Variants in CHL1 observed in about 807,000 individuals in gnomAD.
CHL1 encodes the protein neural cell adhesion molecule L1-like protein.
In CHL1, 96 loss-of-function variants were observed where a neutral mutation model predicts 141.9. The observed-to-expected ratio is 0.68, with a 90% CI of 0.57 to 0.80. CHL1 has a LOEUF of 0.80. Among genes scored for constraint, CHL1 ranks in the 30% least tolerant of loss-of-function variants. The pLI is 0.00. For missense variants in CHL1, 1,820 were observed against 1,457.2 expected (o/e 1.25, Z -4.05); for synonymous variants, 613 against 502.2 (o/e 1.22, Z -2.95).
chr3:264,361 G>A (rs1342612436), intron 2 of CHL1, among the ~76,000 whole-genome samples: 1 of 152,118 alleles, frequency 6.6e-6, no homozygotes, highest in Non-Finnish European at 1.5e-5. Context: ...TAATAACTCA[G>A]TAGGAATAGG....
rs149418187 is a variant in CHL1 at position 354,642 on chromosome 3, C to A, written c.1036C>A (p.Pro346Thr). The A allele has an allele frequency of 1.2e-6, 2 of 1,610,626 alleles. No homozygotes were observed. The highest frequency in any genetic ancestry group is 1.7e-6 in the Non-Finnish European group (2 of 1,178,614). ...TGAGCTCTTCACTTTACATCCAGAGCCTCCTCGCTGGACAAAGAAGCCTCA... is the reference window on the plus strand; with the variant it reads ...TGAGCTCTTCACTTTACATCCAGAGACTCCTCGCTGGACAAAGAAGCCTCA... ...THDFHVIVEE[P>T]PRWTKKPQSA... is the part of the protein sequence containing the mutation. Residue 346 changes from proline (P) to threonine (T), a missense_variant and splice_region_variant, in exon 11 of 28, where the codon CCT (proline) becomes ACT (threonine). Coordinates refer to ENST00000256509, the MANE Select transcript of CHL1 (RefSeq NM_006614.4).
intron 20 of CHL1, among the ~76,000 whole-genome samples, chr3:390,071 AT>A (rs1559349016): frequency 6.6e-6 from 1 of 152,344 alleles, no homozygotes; most frequent in South Asian, 2.1e-4. Flanking sequence ...TAAAGGAATA[AT>A]TTGATCCAAA....
In CHL1 at chr3:408,772, G is replaced by A. The variant is rs1355937057; in HGVS notation, c.*3061G>A. The A allele has an allele frequency of 6.6e-6, 1 of 152,042 alleles. No homozygotes were observed. The highest frequency in any genetic ancestry group is 1.5e-5 in the Non-Finnish European group (1 of 67,998). The allele number at this position is 152,042 out of a possible 1,614,324, so 9.4% of individuals were successfully genotyped here. A position where few individuals can be genotyped will look rare whatever the true frequency, so the allele number is the denominator to read the frequency against. The stretch of plus-strand genomic sequence containing the variant: ...TAAGCAGGGTCTTTGCTATACAAAA[G>A]TGTTTTCCACTAATTTTGCATGCGT... On this transcript the variant is annotated 3_prime_UTR_variant, in exon 28 of 28. Transcript: ENST00000256509.
chr3:272,768 C>T (rs1462116287), intron 2 of CHL1, among the ~76,000 whole-genome samples: 2 of 152,134 alleles, frequency 1.3e-5, no homozygotes, highest in Non-Finnish European at 2.9e-5. Context: ...GCACTTGCTC[C>T]CAAATGGATT....
intron 2 of CHL1, among the ~76,000 whole-genome samples, chr3:250,886 T>G (rs1211050305): frequency 1.3e-5 from 2 of 152,164 alleles, no homozygotes; most frequent in Non-Finnish European, 2.9e-5. Flanking sequence ...TTTGTAGGAA[T>G]TAAGCATTTT....
rs767908736 is a variant in CHL1, at chr3:328,224, A to G, written c.255A>G (p.Pro85=). 1 of 1,612,222 alleles carries G rather than the reference A, an allele frequency of 6.2e-7. No individual in the cohort carries two copies. The highest frequency in any genetic ancestry group is 8.5e-7 in the Non-Finnish European group (1 of 1,178,814). ...PFYFTDHRII[P]SNNSGTFRIP... is the part of the protein sequence containing the mutation. ...ATTTCACTGACCATCGGATAATTCCATCGAACAATTCAGGAACATTCAGGA... is the reference window on the plus strand; with the variant it reads ...ATTTCACTGACCATCGGATAATTCCGTCGAACAATTCAGGAACATTCAGGA... The change falls in exon 5 of 28, where the codon CCA becomes CCG. Residue 85 remains proline, a synonymous_variant. Coordinates refer to ENST00000256509, the MANE Select transcript of CHL1 (RefSeq NM_006614.4).
At chr3:284,673 T>C (rs946172710) in intron 2 of CHL1, among the ~76,000 whole-genome samples, 2 of 152,204 alleles carry the variant, frequency 1.3e-5, no homozygotes, top group Non-Finnish European at 2.9e-5. Context: ...CATGACATTA[T>C]ATGTTGCTGG....
At chr3:286,287 A>G (rs2125318093) in intron 2 of CHL1, among the ~76,000 whole-genome samples, 1 of 152,262 alleles carries the variant, frequency 6.6e-6, no homozygotes, top group Middle Eastern at 3.4e-3. Context: ...ATTTGGGGCA[A>G]GTCCATAGAG....
chr3:363,311 GC>G lies in CHL1; in HGVS notation c.1514del (p.Ala505ValfsTer8), dbSNP rs1328571159. ...LQINRTTEEDAGSYSCWVENA... is the reference protein window; with the variant it reads ...LQINRTTEEDXGSYSCWVENA... The stretch of plus-strand genomic sequence containing the variant: ...GATCAACAGAACCACCGAAGAAGAT[GC>G]TGGGTCTTACTCATGTTGGGTAGAA... On this transcript the variant is annotated frameshift_variant, in exon 14 of 28. Transcript: ENST00000256509. LOFTEE classifies it high-confidence loss of function. 1 of 1,613,638 alleles carries G rather than the reference GC, an allele frequency of 6.2e-7. No individual in the cohort carries two copies. The highest frequency in any genetic ancestry group is 8.5e-7 in the Non-Finnish European group (1 of 1,179,764).
At chr3:398,059 A>G (rs1385312805) in intron 24 of CHL1, among the ~76,000 whole-genome samples, 168 bp from the exon 25 acceptor site, 2 of 152,308 alleles carry the variant, frequency 1.3e-5, no homozygotes, top group Non-Finnish European at 2.9e-5. Context: ...TCATTATATT[A>G]AAAAAGAAAG....
At chr3:313,465 A>G (rs1230604038) in intron 2 of CHL1, among the ~76,000 whole-genome samples, 1 of 152,172 alleles carries the variant, frequency 6.6e-6, no homozygotes, top group East Asian at 1.9e-4. Context: ...TGTTATTTGC[A>G]AAAGGGAAAA....
At chr3:318,909 A>G (rs1250012445) in intron 2 of CHL1, among the ~76,000 whole-genome samples, 1 of 151,726 alleles carries the variant, frequency 6.6e-6, no homozygotes, top group African/African-American at 2.4e-5. Flanking sequence ...AAATAAAATT[A>G]ACTAAATGAA....
intron 9 of CHL1, among the ~76,000 whole-genome samples, chr3:346,438 T>C (rs1702775842): frequency 6.6e-6 from 1 of 152,236 alleles, no homozygotes; most frequent in Non-Finnish European, 1.5e-5. Context: ...TTCATCACTG[T>C]ATTGAGTTGG....
At chr3:388,572 CG>C (rs1286957925) in intron 19 of CHL1, among the ~76,000 whole-genome samples, 1 of 145,886 alleles carries the variant, frequency 6.9e-6, no homozygotes, top group East Asian at 2.0e-4. Flanking sequence ...AAAAAAGAAA[CG>C]AAAAAAAAAG....
At chr3:338,624 T>A (rs1702122592) in intron 5 of CHL1, among the ~76,000 whole-genome samples, 1 of 152,250 alleles carries the variant, frequency 6.6e-6, no homozygotes, top group Admixed American at 6.5e-5. Context: ...GCCATTTATA[T>A]ATCTTCTAAA....
In CHL1 at chr3:405,843, A is replaced by G. The variant is rs1379172035; in HGVS notation, c.*132A>G. On this transcript the variant is annotated 3_prime_UTR_variant, in exon 28 of 28. Coordinates refer to ENST00000256509, the MANE Select transcript of CHL1 (RefSeq NM_006614.4). Reference sequence around the variant, plus strand: ...TTTCATCCAGAAGTCAACATCCTGCAATTATGTTGAAAAGAGTAGTACTTT... The same window carrying G: ...TTTCATCCAGAAGTCAACATCCTGCGATTATGTTGAAAAGAGTAGTACTTT... 3.1e-6 allele frequency: 2 copies of G among 637,192 alleles called. No homozygotes were observed. The highest frequency in any genetic ancestry group is 5.4e-6 in the Non-Finnish European group (2 of 369,148). The allele number at this position is 637,192 out of a possible 1,614,324, so 39.5% of individuals were successfully genotyped here.
intron 16 of CHL1, among the ~76,000 whole-genome samples, chr3:380,127 A>G (rs1024736227): frequency 8.5e-5 from 13 of 152,236 alleles, no homozygotes. Context: ...GAAGCTTCAG[A>G]AATCAGTGGA....
intron 1 of CHL1, among the ~76,000 whole-genome samples, chr3:219,504 G>T (rs1700635900): frequency 6.6e-6 from 1 of 152,160 alleles, no homozygotes; most frequent in Non-Finnish European, 1.5e-5. Flanking sequence ...CTATTATGCA[G>T]CCATTAAAAA....
chr3:312,756 C>T (rs1699855806), intron 2 of CHL1, among the ~76,000 whole-genome samples: 1 of 152,142 alleles, frequency 6.6e-6, no homozygotes. Context: ...CTTGATGCAG[C>T]TCAGTGATTC....
Sources: allele counts gnomAD v4.1 joint callset (sites outside exome capture counted in the v4.1 genomes callset), GRCh38; gene constraint gnomAD v4.1.1; transcripts MANE v1.5; gene names NCBI Gene and HGNC (gene_info 2026-07-23, HGNC 2026-07-21).